The following TEC variants were observed in gnomAD, a reference collection of about 807,000 sequenced individuals.
TEC encodes the protein tec protein tyrosine kinase.
TEC carries 72 observed loss-of-function variants against 93.0 expected under a neutral mutation model. The ratio of observed to expected loss-of-function variants is 0.77; its 90% confidence interval spans 0.64 to 0.94. The LOEUF is 0.94. TEC is among the 40% of genes least tolerant of loss of function. The pLI is 0.00. For synonymous variants in TEC, 249 were observed against 247.7 expected, an observed-to-expected ratio of 1.01 and a Z score of -0.05; for missense variants, 630 against 757.9, an observed-to-expected ratio of 0.83 and a Z score of 1.98.
intron 14 of TEC, among the ~76,000 whole-genome samples, chr4:48,144,840 G>A (rs1350035122): frequency 6.6e-6 from 1 of 152,144 alleles, no homozygotes; most frequent in East Asian, 1.9e-4. Context: ...GGATTCTTAT[G>A]GAGATCGAAA....
rs559703080 is a variant in TEC at position 48,194,607 on chromosome 4, G to A, written c.139-18421C>T. 4.6e-5 allele frequency among the ~76,000 whole-genome samples: 7 copies of A among 152,204 alleles called. No homozygotes were observed. In the East Asian group the frequency reaches 5.8e-4, roughly 13 times the overall value. ...ATACCAGGTAAAGTTTCTTCCTCTC[G>A]CTTCTCTAATGGGAAGTTTGATGAG... is the stretch of plus-strand genomic sequence containing the variant. On this transcript the variant is annotated intron_variant, in intron 2 of 17. Coordinates refer to ENST00000381501, the MANE Select transcript of TEC (RefSeq NM_003215.3).
At chr4:48,147,806 A>T (rs1719982869) in intron 11 of TEC, among the ~76,000 whole-genome samples, 1 of 152,200 alleles carries the variant, frequency 6.6e-6, no homozygotes, top group African/African-American at 2.4e-5. Context: ...GTTGTAACTC[A>T]ATAATAGGTA....
intron 1 of TEC, among the ~76,000 whole-genome samples, chr4:48,235,888 T>G (rs1458281930): frequency 6.6e-6 from 1 of 152,216 alleles, no homozygotes; most frequent in Non-Finnish European, 1.5e-5. Context: ...CTGTCTACAC[T>G]TTACACATCA....
intron 8 of TEC, among the ~76,000 whole-genome samples, chr4:48,161,797 A>C (rs2109533618): frequency 6.6e-6 from 1 of 152,216 alleles, no homozygotes; most frequent in East Asian, 1.9e-4. Flanking sequence ...GGCACAATCT[A>C]ATCAGCTGCC....
At chr4:48,253,572 CT>C (rs34702593) in intron 1 of TEC, among the ~76,000 whole-genome samples, 97 of 131,854 alleles carry the variant, frequency 7.4e-4, no homozygotes, top group East Asian at 8.7e-4. Context: ...ATGTCCAATT[CT>C]TTTTTTTTTT....
intron 2 of TEC, among the ~76,000 whole-genome samples, chr4:48,186,758 A>G (rs1721881779): frequency 6.7e-6 from 1 of 149,678 alleles, no homozygotes; most frequent in Non-Finnish European, 1.5e-5. Flanking sequence ...CCCGTCCGGG[A>G]GGGAGGTGGG....
chr4:48,199,254 C>A (rs1722407615), intron 2 of TEC, among the ~76,000 whole-genome samples: 1 of 152,122 alleles, frequency 6.6e-6, no homozygotes, highest in South Asian at 2.1e-4. Flanking sequence ...TCCAAATTTA[C>A]TTCTCTAACC....
chr4:48,145,244 C>T lies in TEC; in HGVS notation c.1305G>A (p.Gln435=). The change falls in exon 14 of 18, where the codon CAG becomes CAA. Residue 435 remains glutamine (Q), a synonymous_variant. Coordinates refer to ENST00000381501, the MANE Select transcript of TEC (RefSeq NM_003215.3). ...LVQLYGVCTQ[Q]KPIYIVTEFM... ...ACTCAGTAACAATGTATATTGGTTT[C>T]TGCTGGGTGCACACACCATAAAGCT... The T allele has an allele frequency of 6.2e-7, 1 of 1,614,130 alleles. No individual in the cohort carries two copies. The highest frequency in any genetic ancestry group is 8.5e-7 in the Non-Finnish European group (1 of 1,180,022).
rs1721677236 is a variant in TEC, at chr4:48,183,471, T to C, written c.139-7285A>G. On this transcript the variant is annotated intron_variant, in intron 2 of 17. Coordinates refer to ENST00000381501, the MANE Select transcript of TEC (RefSeq NM_003215.3). ...GAGTAAAGAAGATCCACCTCTGCCATCGCAGATGGGCATCATCCAATCCGA... is the reference window on the plus strand; with the variant it reads ...GAGTAAAGAAGATCCACCTCTGCCACCGCAGATGGGCATCATCCAATCCGA... Among the ~76,000 whole-genome samples the C allele has an allele frequency of 2.0e-5, 3 of 152,328 alleles. No individual in the cohort carries two copies. In the South Asian group the frequency reaches 6.2e-4, roughly 32 times the overall value.
intron 10 of TEC, among the ~76,000 whole-genome samples, chr4:48,150,550 T>C (rs943671697): frequency 6.6e-6 from 1 of 152,188 alleles, no homozygotes; most frequent in African/African-American, 2.4e-5. Context: ...ACTAACCTAC[T>C]GGTGGGCAGG....
chr4:48,238,565 A>C (rs1378627114), intron 1 of TEC, among the ~76,000 whole-genome samples: 2 of 151,890 alleles, frequency 1.3e-5, no homozygotes, highest in Admixed American at 6.6e-5. Flanking sequence ...TGATTATAGC[A>C]CTGGATTAGG....
chr4:48,224,522 T>G (rs1054327459), intron 2 of TEC, among the ~76,000 whole-genome samples: 5 of 152,210 alleles, frequency 3.3e-5, no homozygotes, highest in Admixed American at 3.3e-4. Flanking sequence ...CAACATCACT[T>G]ATGAAACCTC....
At chr4:48,175,571 C>T (rs7671720) in intron 3 of TEC, among the ~76,000 whole-genome samples, 57,405 of 151,744 alleles carry the variant, frequency 0.38, 11,832 homozygotes, top group East Asian at 0.9. Flanking sequence ...GGACCCTCCT[C>T]TTCTGGAGAG....
intron 2 of TEC, among the ~76,000 whole-genome samples, chr4:48,221,348 AGT>A (rs1723254487): frequency 2.0e-5 from 3 of 152,114 alleles, no homozygotes; most frequent in Admixed American, 6.5e-5. Flanking sequence ...ATAGTGGGTG[AGT>A]TCTCACAAGA....
chr4:48,204,389 T>C (rs1000584469), intron 2 of TEC, among the ~76,000 whole-genome samples: 1 of 151,806 alleles, frequency 6.6e-6, no homozygotes, highest in Non-Finnish European at 1.5e-5. Context: ...CTGATGGAGG[T>C]TTTAAGCCCA....
intron 3 of TEC, among the ~76,000 whole-genome samples, chr4:48,172,760 C>T (rs1322734217): frequency 6.6e-6 from 1 of 152,136 alleles, no homozygotes; most frequent in African/African-American, 2.4e-5. Context: ...AGAAAGTGAG[C>T]CATGATATCA....
At position 48,196,855 on chromosome 4, in the gene TEC, A is replaced by T. The variant is rs147085750; in HGVS notation, c.139-20669T>A. Among the ~76,000 whole-genome samples, 5 of 152,318 alleles carry T rather than the reference A, an allele frequency of 3.3e-5. No individual in the cohort carries two copies. In the East Asian group the frequency reaches 9.6e-4, roughly 29 times the overall value. ...AATTCTGTTTTTAAAATGACGGTTG[A>T]TGCTTCATGTGACTCCACTATTTTT... On this transcript the variant is annotated intron_variant, in intron 2 of 17. Coordinates refer to ENST00000381501, the MANE Select transcript of TEC (RefSeq NM_003215.3).
intron 1 of TEC, among the ~76,000 whole-genome samples, chr4:48,247,980 C>G (rs1724104292): frequency 6.6e-6 from 1 of 152,138 alleles, no homozygotes; most frequent in Admixed American, 6.5e-5. Context: ...AAGTGGAAAA[C>G]AGAGTGGAAC....
At chr4:48,163,393 T>C (rs571830803) in intron 8 of TEC, among the ~76,000 whole-genome samples, 1 of 152,368 alleles carries the variant, frequency 6.6e-6, no homozygotes, top group South Asian at 2.1e-4. Context: ...GCTTATGTCC[T>C]GAATGAATGG....
Sources: gnomAD v4.1 joint callset for allele counts (sites outside exome capture counted in the v4.1 genomes callset) on GRCh38, gnomAD v4.1.1 for gene constraint, MANE v1.5 for transcripts, NCBI Gene and HGNC (gene_info 2026-07-23, HGNC 2026-07-21) for gene names.